The following ZGRF1 variants were observed in gnomAD, a reference collection of about 807,000 sequenced individuals.
The protein encoded by ZGRF1 is 5'-3' DNA helicase ZGRF1.
Under a neutral mutation model 203.5 loss-of-function variants are expected in ZGRF1, and 196 were observed. The ratio of observed to expected loss-of-function variants is 0.96; its 90% CI spans 0.86 to 1.08. The LOEUF is 1.08. Among genes scored for constraint, ZGRF1 ranks in the 50% least tolerant of loss-of-function variants. ZGRF1 has a pLI of 0.00. For missense variants in ZGRF1, 2,326 were observed against 2,416.3 expected (o/e 0.96, Z 0.78); for synonymous variants, 809 against 841.3 (o/e 0.96, Z 0.66).
intron 1 of ZGRF1, among the ~76,000 whole-genome samples, chr4:112,634,123 T>C (rs1035516567): frequency 7.2e-5 from 11 of 152,246 alleles, no homozygotes; most frequent in African/African-American, 2.4e-4. Context: ...GTTACATATA[T>C]TTATTCAGTA....
Position 112,618,912 on chromosome 4 carries a change from G to T in ZGRF1, c.1130C>A (p.Thr377Lys), listed in dbSNP as rs750807126. The T allele has an allele frequency of 6.2e-7, 1 of 1,613,700 alleles. No individual in the cohort carries two copies. Among genetic ancestry groups the T allele is most frequent in the Admixed American group, 1.7e-5 (1 of 60,004 alleles). Residue 377 changes from threonine (T) to lysine (K), a missense_variant, in exon 6 of 28, where the codon ACG (threonine) becomes AAG (lysine). Coordinates refer to ENST00000505019, the MANE Select transcript of ZGRF1 (RefSeq NM_018392.5). ...SLQKIIQFVE[T>K]YAEERKKYNV... ...ATACTTTTTCCTCTCTTCAGCATACGTTTCAACGAACTGTATAATTTTTTG... is the reference window on the plus strand; with the variant it reads ...ATACTTTTTCCTCTCTTCAGCATACTTTTCAACGAACTGTATAATTTTTTG...
chr4:112,635,003 GC>G (rs1438039986), intron 1 of ZGRF1, among the ~76,000 whole-genome samples: 1 of 151,808 alleles, frequency 6.6e-6, no homozygotes, highest in Non-Finnish European at 1.5e-5. Flanking sequence ...GGTGGCACAG[GC>G]CTGTAGTCCC....
chr4:112,573,252 C>T (rs1744536587), intron 16 of ZGRF1, among the ~76,000 whole-genome samples: 1 of 151,546 alleles, frequency 6.6e-6, no homozygotes. Context: ...GCATTTGCAA[C>T]AACCTGGATG....
At position 112,563,173 on chromosome 4, in the gene ZGRF1, G is replaced by A; in HGVS notation, c.4540C>T (p.Leu1514=). 6.5e-7 allele frequency: 1 copy of A among 1,549,368 alleles called. No homozygotes were observed. The highest frequency in any genetic ancestry group is 8.7e-7 in the Non-Finnish European group (1 of 1,145,118). The change falls in exon 17 of 28, where the codon CTG becomes TTG. Residue 1514 remains leucine (L), a synonymous_variant. Coordinates refer to ENST00000505019, the MANE Select transcript of ZGRF1 (RefSeq NM_018392.5). ...GAAGGGAAATAGCCTTTCAAAGGCA[G>A]TATTTCTATCTCATTGATAGATGAT... ...GPSSINEIEI[L]PLKGYFPSNW...
intron 11 of ZGRF1, among the ~76,000 whole-genome samples, chr4:112,588,402 A>G (rs1203744849): frequency 6.6e-6 from 1 of 152,112 alleles, no homozygotes; most frequent in East Asian, 1.9e-4. Flanking sequence ...GTTCATTTAT[A>G]TGACTATGTG....
chr4:112,563,015 T>G, intron 17 of ZGRF1, 116 bp downstream of exon 17: 1 of 695,834 alleles, frequency 1.4e-6, no homozygotes, highest in Non-Finnish European at 2.3e-6. Context: ...AGGAACTCAC[T>G]GTACACAACA....
intron 10 of ZGRF1, among the ~76,000 whole-genome samples, chr4:112,595,305 G>A (rs138385955): frequency 6.6e-6 from 1 of 152,200 alleles, no homozygotes; most frequent in Admixed American, 6.5e-5. Flanking sequence ...TATCAAACAC[G>A]TTCTAAGTAA....
intron 22 of ZGRF1, among the ~76,000 whole-genome samples, chr4:112,550,413 GTGT>G (rs1451093910): frequency 6.6e-6 from 1 of 151,972 alleles, no homozygotes; most frequent in Non-Finnish European, 1.5e-5. Context: ...GTTTTAAGCT[GTGT>G]TATTACAAAA....
intron 10 of ZGRF1, among the ~76,000 whole-genome samples, chr4:112,601,180 G>A (rs1449464199): frequency 1.3e-5 from 2 of 151,822 alleles, no homozygotes; most frequent in Non-Finnish European, 2.9e-5. Flanking sequence ...GGGGGCTGAG[G>A]CAGGAAGATC....
In ZGRF1 at chr4:112,554,728, A is replaced by G. The variant is rs1326080696; in HGVS notation, c.5175T>C (p.Ile1725=). 3.9e-6 allele frequency: 6 copies of G among 1,543,648 alleles called. No individual in the cohort carries two copies. The highest frequency in any genetic ancestry group is 5.3e-6 in the Non-Finnish European group (6 of 1,139,870). The change falls in exon 21 of 28, where the codon ATT becomes ATC. Residue 1725 remains isoleucine (I), a synonymous_variant. Coordinates refer to ENST00000505019, the MANE Select transcript of ZGRF1 (RefSeq NM_018392.5). ...ACCTATAAGGTAAAATTGGTTTGGC[A>G]ATCTTCCTAACACTCCCAACTCTGA... is the stretch of plus-strand genomic sequence containing the variant. The part of the protein sequence containing the change: ...NFIRVGSVRK[I]AKPILPYSLH...
chr4:112,549,917 G>A (rs1739584392), intron 22 of ZGRF1, among the ~76,000 whole-genome samples: 1 of 152,180 alleles, frequency 6.6e-6, no homozygotes, highest in Non-Finnish European at 1.5e-5. Context: ...ACAAGGCTGG[G>A]CGCAGTGGCT....
At chr4:112,608,620 T>TA (rs1751120623) in intron 8 of ZGRF1, among the ~76,000 whole-genome samples, 1 of 151,802 alleles carries the variant, frequency 6.6e-6, no homozygotes, top group South Asian at 2.1e-4. Flanking sequence ...AACTCCACCT[T>TA]AAAAAACAAA....
chr4:112,551,189 G>A (rs1185498600), intron 22 of ZGRF1, among the ~76,000 whole-genome samples: 1 of 152,086 alleles, frequency 6.6e-6, no homozygotes, highest in Non-Finnish European at 1.5e-5. Flanking sequence ...AATGCCTACA[G>A]TATTCAGTAC....
At chr4:112,551,671 T>G (rs774777412) in intron 22 of ZGRF1, among the ~76,000 whole-genome samples, 3 of 152,180 alleles carry the variant, frequency 2.0e-5, no homozygotes, top group Admixed American at 6.5e-5. Context: ...TCTTTAAAAA[T>G]GATCAAGCTT....
At chr4:112,555,934 G>A (rs1029705162) in intron 20 of ZGRF1, among the ~76,000 whole-genome samples, 4 of 151,636 alleles carry the variant, frequency 2.6e-5, no homozygotes, top group African/African-American at 4.8e-5. Context: ...CTAACTTCTC[G>A]TTTTTTTGTT....
At chr4:112,560,661 A>T in intron 19 of ZGRF1, 72 bp downstream of exon 19, 1 of 1,273,454 alleles carries the variant, frequency 7.9e-7, no homozygotes, top group Non-Finnish European at 1.1e-6. Context: ...AGGAAATTAT[A>T]AAGGAGCAGA....
Position 112,606,005 on chromosome 4 carries a change from T to C in ZGRF1, c.2802+3A>G. On this transcript the variant is annotated splice_donor_region_variant and intron_variant, in intron 9 of 27. Transcript: ENST00000505019. ...ATAAATCGATGTTCTTCACAAATTT[T>C]ACCTTAGGGTCACAGGTTTTTCTCT... 1 of 1,564,110 alleles carries C rather than the reference T, an allele frequency of 6.4e-7. No homozygotes were observed. Among genetic ancestry groups the C allele is most frequent in the African/African-American group, 1.4e-5 (1 of 73,106 alleles).
intron 10 of ZGRF1, among the ~76,000 whole-genome samples, chr4:112,601,168 T>TG (rs1560836743): frequency 6.6e-6 from 1 of 150,870 alleles, no homozygotes; most frequent in Non-Finnish European, 1.5e-5. Flanking sequence ...CCCAACACTT[T>TG]GGGGGGCTGA....
intron 22 of ZGRF1, among the ~76,000 whole-genome samples, chr4:112,553,048 A>C (rs73841069): frequency 8.9e-4 from 136 of 152,322 alleles, no homozygotes; most frequent in African/African-American, 3.1e-3. Context: ...TAAAGTACTG[A>C]GACTGAGTTT....
Sources: allele counts gnomAD v4.1 joint callset (sites outside exome capture counted in the v4.1 genomes callset), GRCh38; gene constraint gnomAD v4.1.1; transcripts MANE v1.5; gene names NCBI Gene and HGNC (gene_info 2026-07-23, HGNC 2026-07-21).